ADAMTS16: variants seen among roughly 807,000 people sequenced by gnomAD.
ADAMTS16 encodes the protein A disintegrin and metalloproteinase with thrombospondin motifs 16.
Under a neutral mutation model 145.8 loss-of-function variants are expected in ADAMTS16, and 94 were observed. The ratio of observed to expected loss-of-function variants is 0.64; its 90% confidence interval spans 0.55 to 0.77. The LOEUF is 0.77. ADAMTS16 is among the 30% of genes least tolerant of loss of function. ADAMTS16 has a pLI of 0.00. For missense variants in ADAMTS16, 1,585 were observed against 1,591.5 expected (o/e 1.00, Z 0.07); for synonymous variants, 659 against 604.3 (o/e 1.09, Z -1.33).
chr5:5,188,470 C>G (rs1735571845), intron 6 of ADAMTS16, among the ~76,000 whole-genome samples: 2 of 152,152 alleles, frequency 1.3e-5, no homozygotes, highest in Non-Finnish European at 2.9e-5. Flanking sequence ...ACCTTGTGGC[C>G]TAAGTAATGG....
intron 18 of ADAMTS16, among the ~76,000 whole-genome samples, chr5:5,279,926 T>TTTTC (rs768515687): frequency 6.7e-6 from 1 of 149,922 alleles, no homozygotes; most frequent in South Asian, 2.2e-4. Context: ...TTATTTCTCT[T>TTTTC]TTTCTTTCTT....
At chr5:5,264,531 A>C (rs1224572411) in intron 18 of ADAMTS16, among the ~76,000 whole-genome samples, 1 of 152,180 alleles carries the variant, frequency 6.6e-6, no homozygotes, top group African/African-American at 2.4e-5. Context: ...GGAAGGTGGG[A>C]GGCACCGTCT....
rs559289938 is a variant in ADAMTS16 at position 5,155,150 on chromosome 5, C to CT, written c.501+8702dup. On this transcript the variant is annotated intron_variant, in intron 3 of 22. Coordinates refer to ENST00000274181, the MANE Select transcript of ADAMTS16 (RefSeq NM_139056.4). ...TGTATCTGCTTAACATGGATATGAC[C>CT]TTTTTTTCCTCCTTAAATGTTACCT... 7.6e-4 allele frequency among the ~76,000 whole-genome samples: 115 copies of CT among 152,202 alleles called. 2 individuals carry two copies. Among genetic ancestry groups the CT allele is most frequent in the African/African-American group, 2.7e-3 (111 of 41,538 alleles).
chr5:5,206,723 C>G (rs1736134722), intron 9 of ADAMTS16, among the ~76,000 whole-genome samples: 1 of 152,022 alleles, frequency 6.6e-6, no homozygotes, highest in Non-Finnish European at 1.5e-5. Flanking sequence ...CTCAACTGAT[C>G]CACCTTCCTC....
intron 3 of ADAMTS16, 88 bp from the exon 4 acceptor site, chr5:5,181,956 A>C: frequency 1.4e-6 from 2 of 1,411,068 alleles, no homozygotes; most frequent in Non-Finnish European, 1.9e-6. Context: ...CCAAGAGAAT[A>C]ATAACAAATG....
intron 3 of ADAMTS16, among the ~76,000 whole-genome samples, chr5:5,166,538 T>G (rs774329522): frequency 6.6e-6 from 1 of 152,322 alleles, no homozygotes; most frequent in South Asian, 2.1e-4. Flanking sequence ...GCGGGAGTCC[T>G]GGGCTGTATT....
At chr5:5,270,930 G>A (rs536374658) in intron 18 of ADAMTS16, among the ~76,000 whole-genome samples, 1 of 152,218 alleles carries the variant, frequency 6.6e-6, no homozygotes, top group East Asian at 1.9e-4. Context: ...CCACAGCCCC[G>A]AGGGAATAAG....
intron 18 of ADAMTS16, among the ~76,000 whole-genome samples, chr5:5,277,297 C>A (rs1738739717): frequency 5.3e-5 from 8 of 152,246 alleles, no homozygotes; most frequent in Admixed American, 5.2e-4. Flanking sequence ...ATATATACTA[C>A]AGCATGTGTT....
chr5:5,187,750 C>A lies in ADAMTS16; in HGVS notation c.989C>A (p.Thr330Lys), dbSNP rs1333189698. The A allele has an allele frequency of 1.2e-6, 2 of 1,612,182 alleles. No individual in the cohort carries two copies. The highest frequency in any genetic ancestry group is 2.2e-5 in the South Asian group (2 of 90,912). Residue 330 changes from threonine (T) to lysine (K), a missense_variant, in exon 6 of 23, where the codon ACA becomes AAA. Transcript: ENST00000274181. ...NMVSALFKDG[T>K]IGGNINIAIV... is the part of the protein sequence containing the mutation. The stretch of plus-strand genomic sequence containing the variant: ...GTATCTGCTTTATTCAAAGATGGAA[C>A]AATAGGAGGAAACATCAACATTGCA...
intron 18 of ADAMTS16, among the ~76,000 whole-genome samples, chr5:5,266,525 G>C (rs913474662): frequency 2.0e-5 from 3 of 152,246 alleles, no homozygotes; most frequent in Admixed American, 6.5e-5. Context: ...TTCTTGGAAA[G>C]AGCAGAAGAG....
At chr5:5,241,181 C>T (rs1379844554) in intron 16 of ADAMTS16, among the ~76,000 whole-genome samples, 1 of 152,102 alleles carries the variant, frequency 6.6e-6, no homozygotes, top group Non-Finnish European at 1.5e-5. Context: ...TCTACATGGG[C>T]ATCATATCAG....
At chr5:5,189,716 T>C (rs1045420749) in intron 6 of ADAMTS16, among the ~76,000 whole-genome samples, 28 of 152,362 alleles carry the variant, frequency 1.8e-4, no homozygotes, top group African/African-American at 6.0e-4. Flanking sequence ...TCTTGGGTCA[T>C]TGAACATGCA....
intron 8 of ADAMTS16, among the ~76,000 whole-genome samples, chr5:5,197,525 T>G (rs747976623): frequency 5.9e-5 from 9 of 152,172 alleles, no homozygotes; most frequent in Non-Finnish European, 1.2e-4. Context: ...TTTTAGAAAC[T>G]TATAAACTAG....
intron 10 of ADAMTS16, 28 bp from the exon 11 acceptor site, chr5:5,222,761 C>T (rs773488800): frequency 3.2e-6 from 5 of 1,565,784 alleles, no homozygotes; most frequent in Non-Finnish European, 1.8e-6. Context: ...TGATGTAATC[C>T]TAATGACCTT....
intron 18 of ADAMTS16, among the ~76,000 whole-genome samples, chr5:5,272,296 C>T (rs1738511314): frequency 6.6e-6 from 1 of 151,884 alleles, no homozygotes. Flanking sequence ...TCCAGTGCTC[C>T]CTGCTCAGAG....
rs184957844 is a variant in ADAMTS16 at position 5,277,707 on chromosome 5, G to A, written c.2789+14924G>A. On this transcript the variant is annotated intron_variant, in intron 18 of 22. Coordinates refer to ENST00000274181, the MANE Select transcript of ADAMTS16 (RefSeq NM_139056.4). Reference sequence around the variant, plus strand: ...TTACAAAGACTAAGCTGGGTGTGGCGGCTCACCCCTGTAATTCTAGCACTG... The same window carrying A: ...TTACAAAGACTAAGCTGGGTGTGGCAGCTCACCCCTGTAATTCTAGCACTG... Among the ~76,000 whole-genome samples the A allele has an allele frequency of 1.9e-3, 291 of 152,240 alleles. 1 individual carries two copies. Among genetic ancestry groups the A allele is most frequent in the South Asian group, 7.5e-3 (36 of 4,808 alleles).
intron 11 of ADAMTS16, 126 bp from the exon 12 acceptor site, chr5:5,232,242 T>A: frequency 2.1e-6 from 2 of 962,634 alleles, no homozygotes; most frequent in Non-Finnish European, 3.0e-6. Flanking sequence ...TGCTTGAGTG[T>A]AGGGGGAGGC....
chr5:5,185,412 A>G (rs1735469460), intron 4 of ADAMTS16, among the ~76,000 whole-genome samples: 1 of 152,260 alleles, frequency 6.6e-6, no homozygotes, highest in Non-Finnish European at 1.5e-5. Context: ...ACAATTATAC[A>G]TGCCAAAAAT....
chr5:5,173,959 A>G (rs1002131085), intron 3 of ADAMTS16, among the ~76,000 whole-genome samples: 1 of 152,182 alleles, frequency 6.6e-6, no homozygotes, highest in African/African-American at 2.4e-5. Context: ...TAGTCTTTCT[A>G]CTCAAGATAT....
Sources: gnomAD v4.1 joint callset for allele counts (sites outside exome capture counted in the v4.1 genomes callset) on GRCh38, gnomAD v4.1.1 for gene constraint, MANE v1.5 for transcripts, NCBI Gene and HGNC (gene_info 2026-07-23, HGNC 2026-07-21) for gene names.